STX17: variants seen among roughly 807,000 people sequenced by gnomAD.
STX17 encodes syntaxin-17.
In STX17, 29 loss-of-function variants were observed where a neutral mutation model predicts 35.9. The ratio of observed to expected loss-of-function variants is 0.81; its 90% CI spans 0.60 to 1.10. The LOEUF (loss-of-function observed/expected upper bound fraction) is 1.10. STX17 is among the 50% of genes least tolerant of loss of function. The pLI is 0.00. For missense variants in STX17, 312 were observed against 352.3 expected (o/e 0.89, Z 0.92); for synonymous variants, 92 against 118.3 (o/e 0.78, Z 1.44).
At chr9:99,953,492 C>T (rs1342371130) in intron 4 of STX17, among the ~76,000 whole-genome samples, 1 of 151,906 alleles carries the variant, frequency 6.6e-6, no homozygotes, top group African/African-American at 2.4e-5. Context: ...TTGTAATTAC[C>T]GTTTCATTAT....
At chr9:99,908,605 T>C (rs1828599425) in intron 1 of STX17, among the ~76,000 whole-genome samples, 1 of 152,218 alleles carries the variant, frequency 6.6e-6, no homozygotes. Flanking sequence ...TTCAGCATGC[T>C]TCCATCCTTT....
intron 3 of STX17, among the ~76,000 whole-genome samples, chr9:99,946,982 T>C (rs1258960377): frequency 2.6e-5 from 4 of 152,116 alleles, no homozygotes; most frequent in African/African-American, 9.6e-5. Context: ...TGACCTTGAA[T>C]TGTGGATGGA....
intron 4 of STX17, among the ~76,000 whole-genome samples, chr9:99,956,437 T>TAATGAAG (rs2118504876): frequency 6.6e-6 from 1 of 152,292 alleles, no homozygotes; most frequent in African/African-American, 2.4e-5. Flanking sequence ...CTGTTAATAA[T>TAATGAAG]AATGAAGTTA....
At chr9:99,912,423 A>T (rs536877432) in intron 1 of STX17, among the ~76,000 whole-genome samples, 3 of 151,914 alleles carry the variant, frequency 2.0e-5, no homozygotes, top group African/African-American at 7.2e-5. Flanking sequence ...TTCTTTTGAG[A>T]AATGTCTATT....
In STX17 at chr9:99,971,793, AG is replaced by A. The variant is rs1366887728; in HGVS notation, c.*3121del. Among the ~76,000 whole-genome samples, 16 of 152,264 alleles carry A rather than the reference AG, an allele frequency of 1.1e-4. No homozygotes were observed. The highest frequency in any genetic ancestry group is 3.6e-4 in the African/African-American group (15 of 41,554). On this transcript the variant is annotated 3_prime_UTR_variant, in exon 8 of 8. Transcript: ENST00000259400. ...CCCAGCACTTAGGGAGGCAGAGGCC[AG>A]AGGATCACTTGAGCCCAGGAGTTTG...
chr9:99,968,624 CT>C lies in STX17; in HGVS notation c.862del (p.Ser288ProfsTer30), dbSNP rs1216961770. 16 of 1,613,874 alleles carry C rather than the reference CT, an allele frequency of 9.9e-6. No homozygotes were observed. The highest frequency in any genetic ancestry group is 1.4e-5 in the Non-Finnish European group (16 of 1,179,938). ...RKKQKMMEKL[T>X]SSCPDLPSQT... ...AAACAGAAAATGATGGAGAAGCTCA[CT>C]TCCAGCTGTCCAGATCTTCCCAGCC... On this transcript the variant is annotated frameshift_variant, in exon 8 of 8. Coordinates refer to ENST00000259400, the MANE Select transcript of STX17 (RefSeq NM_017919.3). LOFTEE classifies it high-confidence loss of function.
chr9:99,920,742 G>A (rs1011548195), intron 2 of STX17, among the ~76,000 whole-genome samples: 9 of 152,216 alleles, frequency 5.9e-5, no homozygotes, highest in African/African-American at 2.2e-4. Context: ...GGAGTTACTT[G>A]TAATTTTTTT....
rs542739120 is a variant in STX17 at position 99,967,466 on chromosome 9, C to CT, written c.583-187_583-186insT. 7 of 367,520 alleles carry CT rather than the reference C, an allele frequency of 1.9e-5. No individual in the cohort carries two copies. The East Asian group carries it at 2.6e-4, about 14-fold the overall frequency. The allele number at this position is 367,520 out of a possible 1,614,324, so 22.8% of individuals were successfully genotyped here. A position where few individuals can be genotyped will look rare whatever the true frequency, so the allele number is the denominator to read the frequency against. Reference sequence around the variant, plus strand: ...CCTTTTATTACCTAATAATTAAGACCCCCCCCTTTTTTTTATGAAAGTTAA... The same window carrying CT: ...CCTTTTATTACCTAATAATTAAGACCTCCCCCCTTTTTTTTATGAAAGTTAA... On this transcript the variant is annotated intron_variant, in intron 6 of 7. Coordinates refer to ENST00000259400, the MANE Select transcript of STX17 (RefSeq NM_017919.3).
chr9:99,948,126 A>G (rs1446429695), intron 3 of STX17, among the ~76,000 whole-genome samples: 6 of 151,964 alleles, frequency 3.9e-5, no homozygotes. Context: ...TTGATTTTAG[A>G]GAGATTCCCT....
chr9:99,927,538 C>T (rs1249788888), intron 2 of STX17, among the ~76,000 whole-genome samples: 1 of 152,006 alleles, frequency 6.6e-6, no homozygotes, highest in Non-Finnish European at 1.5e-5. Context: ...CAGTGTGGCA[C>T]GATCTTGGCT....
At chr9:99,925,152 T>C (rs1564060992) in intron 2 of STX17, among the ~76,000 whole-genome samples, 2 of 152,112 alleles carry the variant, frequency 1.3e-5, no homozygotes, top group Non-Finnish European at 2.9e-5. Flanking sequence ...TTTTATTTTT[T>C]ATTTTTTTAG....
At chr9:99,932,709 T>A (rs182231237) in intron 3 of STX17, among the ~76,000 whole-genome samples, 1 of 152,322 alleles carries the variant, frequency 6.6e-6, no homozygotes, top group East Asian at 1.9e-4. Context: ...GATTTATGGG[T>A]GCCATTAGAG....
At chr9:99,942,032 G>A (rs1029372769) in intron 3 of STX17, among the ~76,000 whole-genome samples, 6 of 152,146 alleles carry the variant, frequency 3.9e-5, no homozygotes, top group African/African-American at 1.4e-4. Flanking sequence ...TTCAACTTTA[G>A]TAAGTAATGC....
rs1830055155 is a variant in STX17, at chr9:99,973,666, T to C, written c.*4993T>C. Among the ~76,000 whole-genome samples the C allele has an allele frequency of 6.6e-6, 1 of 152,140 alleles. No individual in the cohort carries two copies. Among genetic ancestry groups the C allele is most frequent in the African/African-American group, 2.4e-5 (1 of 41,422 alleles). On this transcript the variant is annotated 3_prime_UTR_variant, in exon 8 of 8. Coordinates refer to ENST00000259400, the MANE Select transcript of STX17 (RefSeq NM_017919.3). The stretch of plus-strand genomic sequence containing the variant: ...GGCCATCACCCTAGTAAAAAGACTA[T>C]TACCTCACACCCCGCACTTGATCTT...
chr9:99,938,631 CA>C (rs1488671429), intron 3 of STX17, among the ~76,000 whole-genome samples: 1 of 151,814 alleles, frequency 6.6e-6, no homozygotes. Context: ...CAAAAAATAC[CA>C]AAAAATTAGC....
At chr9:99,964,997 T>C (rs1455451599) in intron 6 of STX17, among the ~76,000 whole-genome samples, 1 of 152,084 alleles carries the variant, frequency 6.6e-6, no homozygotes, top group Non-Finnish European at 1.5e-5. Context: ...TGATTATTGA[T>C]CCCAGGATAG....
At chr9:99,943,926 CTTTG>C (rs1011841037) in intron 3 of STX17, among the ~76,000 whole-genome samples, 31 of 152,028 alleles carry the variant, frequency 2.0e-4, no homozygotes, top group Non-Finnish European at 3.5e-4. Context: ...TGGGCTTTTT[CTTTG>C]TTTGTTTGTT....
intron 2 of STX17, among the ~76,000 whole-genome samples, chr9:99,927,172 T>C (rs1829002202): frequency 6.6e-6 from 1 of 151,884 alleles, no homozygotes; most frequent in Admixed American, 6.6e-5. Context: ...ATCCATGAAT[T>C]CTGATAGCCT....
At chr9:99,967,438 C>T in intron 6 of STX17, 2 of 400,752 alleles carry the variant, frequency 5.0e-6, no homozygotes, top group Non-Finnish European at 9.0e-6. Context: ...GTAAAGTTGC[C>T]ACCCTTTTAT....
Sources: allele counts gnomAD v4.1 joint callset (sites outside exome capture counted in the v4.1 genomes callset), GRCh38; gene constraint gnomAD v4.1.1; transcripts MANE v1.5; gene names NCBI Gene and HGNC (gene_info 2026-07-23, HGNC 2026-07-21).